CDH4: variants seen among roughly 807,000 people sequenced by gnomAD.
The protein encoded by CDH4 is cadherin 4.
Under a neutral mutation model 86.0 loss-of-function variants are expected in CDH4, and 33 were observed. The observed-to-expected ratio is 0.38, with a 90% CI of 0.29 to 0.51. The LOEUF is 0.51. Among genes scored for constraint, CDH4 ranks in the 20% least tolerant of loss-of-function variants. The pLI is 0.86. For missense variants in CDH4, 1,114 were observed against 1,307.4 expected (o/e 0.85, Z 2.28); for synonymous variants, 555 against 549.4 (o/e 1.01, Z -0.14).
At chr20:61,599,803 G>T in intron 2 of CDH4, 1 of 985,750 alleles carries the variant, frequency 1.0e-6, no homozygotes, top group Non-Finnish European at 1.2e-6. Context: ...CTGCCTTAAT[G>T]ATGCTGCCCC....
At position 61,522,393 on chromosome 20, in the gene CDH4, G is replaced by A. The variant is rs563005232; in HGVS notation, c.170-221170G>A. Among the ~76,000 whole-genome samples the A allele has an allele frequency of 7.2e-5, 11 of 152,312 alleles. No individual in the cohort carries two copies. The South Asian group carries it at 1.2e-3, about 17-fold the overall frequency. On this transcript the variant is annotated intron_variant, in intron 2 of 15. Coordinates refer to ENST00000614565, the MANE Select transcript of CDH4 (RefSeq NM_001794.5). ...ACTGATGCATGAGGAATAGCCACTC[G>A]TGACCTCGGTAACCATGTGTGAGGT...
chr20:61,883,734 A>T (rs1271033297), intron 7 of CDH4, among the ~76,000 whole-genome samples: 1 of 152,058 alleles, frequency 6.6e-6, no homozygotes, highest in Non-Finnish European at 1.5e-5. Context: ...GGCCCCAGGG[A>T]GGAGCCCCCA....
chr20:61,308,104 A>T (rs938496908), intron 2 of CDH4, among the ~76,000 whole-genome samples: 5 of 152,200 alleles, frequency 3.3e-5, no homozygotes, highest in Non-Finnish European at 5.9e-5. Flanking sequence ...GAAACTGCCC[A>T]GTGTGTCAGG....
chr20:61,474,446 A>G (rs1174727119), intron 2 of CDH4, among the ~76,000 whole-genome samples: 1 of 150,430 alleles, frequency 6.6e-6, no homozygotes, highest in East Asian at 2.0e-4. Flanking sequence ...AAGTGCTGGG[A>G]TTACAGTCAC....
intron 2 of CDH4, among the ~76,000 whole-genome samples, chr20:61,527,366 C>T (rs2085918712): frequency 6.6e-6 from 1 of 152,112 alleles, no homozygotes; most frequent in African/African-American, 2.4e-5. Flanking sequence ...TTTCCTGCCT[C>T]AGCCTCCTGA....
rs1474677965 is a variant in CDH4, at chr20:61,501,728, C to G, written c.170-241835C>G. 6.6e-6 allele frequency among the ~76,000 whole-genome samples: 1 copy of G among 152,164 alleles called. No homozygotes were observed. Among genetic ancestry groups the G allele is most frequent in the Non-Finnish European group, 1.5e-5 (1 of 68,044 alleles). On this transcript the variant is annotated intron_variant, in intron 2 of 15. Transcript: ENST00000614565. The surrounding 1 kb of genome is among the most constrained non-coding windows in gnomAD (Gnocchi z 4.2). ...ACTAGCTATCTTCACAAGCACCACC[C>G]CGCCACTGCCTCCACCATTCGTTAG...
intron 7 of CDH4, among the ~76,000 whole-genome samples, chr20:61,876,698 G>T (rs1489813323): frequency 6.6e-6 from 1 of 152,136 alleles, no homozygotes; most frequent in Admixed American, 6.5e-5. Context: ...CACTGGTTTC[G>T]TGTCGGTCCG....
At chr20:61,777,861 C>T (rs1380108084) in intron 4 of CDH4, among the ~76,000 whole-genome samples, 13 of 151,830 alleles carry the variant, frequency 8.6e-5, no homozygotes, top group African/African-American at 2.2e-4. Context: ...CATCCACATG[C>T]GCACGCACGT....
At chr20:61,446,195 G>C (rs1237840057) in intron 2 of CDH4, among the ~76,000 whole-genome samples, 2 of 152,220 alleles carry the variant, frequency 1.3e-5, no homozygotes, top group African/African-American at 4.8e-5. Context: ...GTGTCAGCCA[G>C]AGATAATCAT....
In CDH4 at chr20:61,417,641, T is replaced by C. The variant is rs2085154155; in HGVS notation, c.169+162704T>C. Among the ~76,000 whole-genome samples the C allele has an allele frequency of 6.6e-6, 1 of 152,180 alleles. No individual in the cohort carries two copies. The highest frequency in any genetic ancestry group is 6.5e-5 in the Admixed American group (1 of 15,282). ...AGGGCTGTAAATTGGCAGCGTGGAT[T>C]GGGGAGCAAATTTCTAGCCGCTTCC... On this transcript the variant is annotated intron_variant, in intron 2 of 15. Transcript: ENST00000614565. The surrounding 1 kb of genome is among the most constrained non-coding windows in gnomAD (Gnocchi z 4.0).
intron 2 of CDH4, among the ~76,000 whole-genome samples, chr20:61,622,398 T>C (rs2086786031): frequency 6.6e-6 from 1 of 152,240 alleles, no homozygotes; most frequent in South Asian, 2.1e-4. Context: ...CTGTCAGGCA[T>C]ACCCCGGGTG....
chr20:61,459,352 C>T (rs1210125241), intron 2 of CDH4, among the ~76,000 whole-genome samples: 1 of 151,944 alleles, frequency 6.6e-6, no homozygotes, highest in Non-Finnish European at 1.5e-5. Flanking sequence ...GGATCCCAGC[C>T]AGGAATGGGC....
chr20:61,353,687 TC>T (rs2084729082), intron 2 of CDH4, among the ~76,000 whole-genome samples: 60 of 3,166 alleles, frequency 0.019, no homozygotes, highest in African/African-American at 0.047. Flanking sequence ...CTCCTCCCCC[TC>T]CTCCTCCCCT....
chr20:61,331,722 T>TCCCCCAG (rs1374745319), intron 2 of CDH4, among the ~76,000 whole-genome samples: 1 of 129,434 alleles, frequency 7.7e-6, no homozygotes, highest in Non-Finnish European at 1.6e-5. Flanking sequence ...CCCGACCACC[T>TCCCCCAG]GACAGAAATG....
chr20:61,458,307 C>T (rs2085421098), intron 2 of CDH4, among the ~76,000 whole-genome samples: 2 of 148,826 alleles, frequency 1.3e-5, no homozygotes, highest in African/African-American at 2.5e-5. Flanking sequence ...GTATGACTGA[C>T]ACTAGTGGTG....
At chr20:61,479,429 C>T (rs2085557300) in intron 2 of CDH4, among the ~76,000 whole-genome samples, 1 of 151,694 alleles carries the variant, frequency 6.6e-6, no homozygotes, top group African/African-American at 2.4e-5. Context: ...TCAATTCCCA[C>T]CTATGAGTGA....
At chr20:61,782,661 G>A (rs1416323990) in intron 4 of CDH4, among the ~76,000 whole-genome samples, 8 of 152,216 alleles carry the variant, frequency 5.3e-5, no homozygotes, top group South Asian at 4.1e-4. Flanking sequence ...AAGGACAGAC[G>A]GGGTAAATGG....
intron 4 of CDH4, among the ~76,000 whole-genome samples, chr20:61,806,445 G>A (rs1214135211): frequency 6.6e-6 from 1 of 152,236 alleles, no homozygotes; most frequent in African/African-American, 2.4e-5. Flanking sequence ...TTGTGCGGCC[G>A]TGCACACCCA....
intron 6 of CDH4, among the ~76,000 whole-genome samples, chr20:61,867,430 ATC>A (rs1983597601): frequency 1.3e-5 from 2 of 152,198 alleles, no homozygotes; most frequent in Admixed American, 1.3e-4. Context: ...CACTCCTGTG[ATC>A]TCAGCTACTT....
Sources: allele counts gnomAD v4.1 joint callset (sites outside exome capture counted in the v4.1 genomes callset), GRCh38; gene constraint gnomAD v4.1.1; non-coding constraint Gnocchi (gnomAD v3.1); transcripts MANE v1.5; gene names NCBI Gene and HGNC (gene_info 2026-07-23, HGNC 2026-07-21).